The following CANX variants were observed in gnomAD, a reference collection of about 807,000 sequenced individuals.
The protein encoded by CANX is calnexin.
A neutral mutation model predicts 75.7 loss-of-function variants in CANX; 14 were observed. The ratio of observed to expected loss-of-function variants is 0.19; its 90% confidence interval spans 0.12 to 0.29. CANX has a LOEUF of 0.29. Ranked by LOEUF, CANX falls within the 10% of genes least tolerant of loss-of-function variation. CANX has a pLI of 1.00. For synonymous variants in CANX, 227 were observed against 236.9 expected (o/e 0.96, Z 0.38); for missense variants, 567 against 713.2 (o/e 0.79, Z 2.34).
At chr5:179,720,263 T>G (rs967837297) in intron 9 of CANX, 141 bp from the exon 10 acceptor site, 1 of 490,466 alleles carries the variant, frequency 2.0e-6, no homozygotes, top group South Asian at 5.0e-5. Context: ...TGAAAAACTG[T>G]TATTACTGGA....
chr5:179,690,015 C>T (rs777584419), intron 1 of CANX, among the ~76,000 whole-genome samples: 233 of 152,278 alleles, frequency 1.5e-3, no homozygotes, highest in Non-Finnish European at 2.7e-3. Context: ...AAGGTTTATT[C>T]TGATGGCAGA....
At chr5:179,712,390 A>C (rs1006449151) in intron 7 of CANX, among the ~76,000 whole-genome samples, 51 of 151,710 alleles carry the variant, frequency 3.4e-4, no homozygotes, top group African/African-American at 1.1e-3. Flanking sequence ...GAGATCATAA[A>C]TAGGCATGCC....
intron 1 of CANX, among the ~76,000 whole-genome samples, chr5:179,691,557 G>GA (rs951913813): frequency 9.2e-4 from 137 of 149,354 alleles, no homozygotes; most frequent in Non-Finnish European, 1.4e-3. Flanking sequence ...AGAAAAAAAA[G>GA]AAAAAAAAAT....
At chr5:179,683,431 C>T (rs1776122362) in intron 1 of CANX, among the ~76,000 whole-genome samples, 1 of 152,004 alleles carries the variant, frequency 6.6e-6, no homozygotes, top group Non-Finnish European at 1.5e-5. Context: ...CCGCGCCCGG[C>T]CAACTACATA....
chr5:179,722,088 G>C (rs1027265808), intron 10 of CANX, among the ~76,000 whole-genome samples: 4 of 152,130 alleles, frequency 2.6e-5, no homozygotes, highest in African/African-American at 9.7e-5. Flanking sequence ...CCCAGCACTT[G>C]AGAGGCTGAG....
At chr5:179,728,089 C>CA (rs753057226) in intron 14 of CANX, among the ~76,000 whole-genome samples, 5 of 152,184 alleles carry the variant, frequency 3.3e-5, no homozygotes, top group Non-Finnish European at 4.4e-5. Context: ...ATGTTTCCCC[C>CA]AAACTCCCTC....
At chr5:179,726,173 G>A (rs996236408) in intron 13 of CANX, among the ~76,000 whole-genome samples, 11 of 151,190 alleles carry the variant, frequency 7.3e-5, no homozygotes, top group African/African-American at 1.9e-4. Flanking sequence ...CTGTAATCCC[G>A]GCTACTCCGG....
upstream of CANX, chr5:179,694,722 G>A (rs1429636958): frequency 7.3e-6 from 5 of 681,510 alleles, no homozygotes; most frequent in Middle Eastern, 7.5e-4. Flanking sequence ...GAAAAAGGTG[G>A]AAGAGGAAGA....
chr5:179,714,016 G>C (rs1412836405), intron 7 of CANX, among the ~76,000 whole-genome samples: 1 of 151,860 alleles, frequency 6.6e-6, no homozygotes, highest in Non-Finnish European at 1.5e-5. Flanking sequence ...TTGTTTTTTT[G>C]AGATGGGAGT....
intron 7 of CANX, chr5:179,715,904 C>T (rs756277725): frequency 6.0e-5 from 40 of 662,518 alleles, no homozygotes; most frequent in Middle Eastern, 4.8e-4. Context: ...CTTAGAAAGC[C>T]GAGGGACTAA....
At chr5:179,712,460 C>T (rs1326619515) in intron 7 of CANX, among the ~76,000 whole-genome samples, 2 of 151,978 alleles carry the variant, frequency 1.3e-5, no homozygotes, top group Non-Finnish European at 2.9e-5. Flanking sequence ...CTCTTGTTCC[C>T]CAGGCTGGAG....
intron 10 of CANX, among the ~76,000 whole-genome samples, chr5:179,721,068 C>T (rs1052599472): frequency 5.3e-5 from 8 of 151,522 alleles, no homozygotes; most frequent in African/African-American, 1.9e-4. Context: ...AGGCGTGAGC[C>T]ACTGCATCTG....
At chr5:179,700,988 T>A (rs753073127) in intron 1 of CANX, 9 of 152,008 alleles carry the variant, frequency 5.9e-5, no homozygotes, top group East Asian at 3.9e-4. Context: ...TCAGCCTCCC[T>A]TGTAGCTGGG....
intron 1 of CANX, among the ~76,000 whole-genome samples, chr5:179,693,026 G>A (rs1776325334): frequency 6.6e-6 from 1 of 151,342 alleles, no homozygotes; most frequent in Non-Finnish European, 1.5e-5. Flanking sequence ...GGCGCCTGTA[G>A]TCCCTGCTAC....
At position 179,723,750 on chromosome 5, in the gene CANX, C is replaced by T. The variant is rs762161407; in HGVS notation, c.1489C>T (p.Leu497=). The change falls in exon 12 of 15, where the codon CTG becomes TTG. Residue 497 remains leucine, a synonymous_variant. Transcript: ENST00000247461. ...YILTVALPVF[L]VILFCCSGKK... ...TCTAACTGTAGCCCTTCCTGTGTTC[C>T]TGGTTATCCTCTTCTGCTGTTCTGG... 3.7e-6 allele frequency: 6 copies of T among 1,612,786 alleles called. No homozygotes were observed. Among genetic ancestry groups the T allele is most frequent in the Non-Finnish European group, 5.1e-6 (6 of 1,179,464 alleles).
intron 12 of CANX, among the ~76,000 whole-genome samples, 182 bp downstream of exon 12, chr5:179,723,961 G>A (rs866237803): frequency 2.0e-5 from 3 of 152,054 alleles, no homozygotes; most frequent in African/African-American, 7.2e-5. Flanking sequence ...GTGCCCAGAT[G>A]GGAGCAGGAT....
At chr5:179,694,113 C>T (rs970894959), upstream of CANX, 1 of 160,440 alleles carries the variant, frequency 6.2e-6, no homozygotes, top group African/African-American at 2.8e-5. Context: ...CATTGCACTC[C>T]AGCCTGGGCA....
chr5:179,687,311 G>A (rs1386900273), intron 1 of CANX, among the ~76,000 whole-genome samples: 2 of 151,346 alleles, frequency 1.3e-5, no homozygotes, highest in African/African-American at 4.9e-5. Context: ...CACCGTGTTA[G>A]TCAGGATGGT....
upstream of CANX, among the ~76,000 whole-genome samples, chr5:179,695,408 C>T (rs1776378411): frequency 6.6e-6 from 1 of 151,980 alleles, no homozygotes; most frequent in Non-Finnish European, 1.5e-5. Context: ...CAGCTCACCG[C>T]ATCCTCTGCT....
Sources: gnomAD v4.1 joint callset for allele counts (sites outside exome capture counted in the v4.1 genomes callset) on GRCh38, gnomAD v4.1.1 for gene constraint, MANE v1.5 for transcripts, NCBI Gene and HGNC (gene_info 2026-07-23, HGNC 2026-07-21) for gene names.